The following CHLSN variants were observed in gnomAD, a reference collection of about 807,000 sequenced individuals.
The protein encoded by CHLSN is cholesin, also known as protein cholesin.
At chr7:1,023,628 CA>C in the CHLSN span, among the ~76,000 whole-genome samples, 2 of 23,774 alleles carry the variant, frequency 8.4e-5, no homozygotes, top group Admixed American at 5.2e-4. The surrounding 1 kb of genome is among the most constrained non-coding windows in gnomAD (Gnocchi z 5.0). Flanking sequence ...CCAGGAAACA[CA>C]CACACACACA....
At chr7:1,045,330 T>C in the CHLSN span, 4 of 152,284 alleles carry the variant, frequency 2.6e-5, no homozygotes, top group Non-Finnish European at 5.9e-5. Flanking sequence ...GTATTCGTCG[T>C]CCACAGCCTT....
the CHLSN span, chr7:997,535 G>T: frequency 8.4e-7 from 1 of 1,194,298 alleles, no homozygotes; most frequent in Non-Finnish European, 1.1e-6. Flanking sequence ...CCCTGCTGGT[G>T]AACCCGGCCC....
At chr7:1,028,439 C>CG in the CHLSN span, 5,165 of 985,856 alleles carry the variant, frequency 5.2e-3, 15 homozygotes, top group Middle Eastern at 0.019. Context: ...AGCGCGCCTG[C>CG]GGGGACTGGA....
At chr7:989,142 C>G in the CHLSN span, 1 of 373,784 alleles carries the variant, frequency 2.7e-6, no homozygotes, top group African/African-American at 2.0e-5. Context: ...CAGGGCCCCC[C>G]AGCACCTACA....
chr7:989,115 A>C, the CHLSN span: 2 of 394,526 alleles, frequency 5.1e-6, no homozygotes, highest in Non-Finnish European at 9.0e-6. Context: ...CTGCACTCCC[A>C]CCCACCTAGC....
the CHLSN span, among the ~76,000 whole-genome samples, chr7:1,059,566 G>C: frequency 2.5e-5 from 3 of 119,482 alleles, no homozygotes; most frequent in African/African-American, 8.8e-5. Flanking sequence ...CGGGTCGGTA[G>C]TGAGGCGGTT....
chr7:1,120,520 G>A, the CHLSN span, among the ~76,000 whole-genome samples: 36 of 152,226 alleles, frequency 2.4e-4, no homozygotes, highest in African/African-American at 3.1e-4. Flanking sequence ...TCAAACTCCT[G>A]AACTCAAGTG....
At chr7:1,074,473 G>A in the CHLSN span, 1 of 151,954 alleles carries the variant, frequency 6.6e-6, no homozygotes, top group African/African-American at 2.4e-5. Flanking sequence ...CAGGGGACAG[G>A]ACTGCATCAA....
chr7:1,075,674 G>T, the CHLSN span, among the ~76,000 whole-genome samples: 1 of 147,958 alleles, frequency 6.8e-6, no homozygotes, highest in East Asian at 2.0e-4. Flanking sequence ...GTGCAGTGGC[G>T]CAATCTCAGC....
At chr7:1,030,506 C>A in the CHLSN span, among the ~76,000 whole-genome samples, 1 of 152,186 alleles carries the variant, frequency 6.6e-6, no homozygotes, top group Non-Finnish European at 1.5e-5. Context: ...CACTCCACTC[C>A]ATCTCACGCT....
the CHLSN span, chr7:986,613 C>G: frequency 1.2e-6 from 2 of 1,612,498 alleles, no homozygotes; most frequent in East Asian, 4.5e-5. Context: ...CTCCTCCTGC[C>G]TCCTGCCCAG....
chr7:1,058,066 C>T, the CHLSN span: 1 of 767,860 alleles, frequency 1.3e-6, no homozygotes, highest in Non-Finnish European at 2.4e-6. Flanking sequence ...ATGCAGAACG[C>T]AGAAGCTGCC....
At chr7:993,335 C>G in the CHLSN span, among the ~76,000 whole-genome samples, 1 of 152,096 alleles carries the variant, frequency 6.6e-6, no homozygotes, top group Non-Finnish European at 1.5e-5. Flanking sequence ...ACTGGACGGA[C>G]GGCAGGTGGC....
chr7:986,912 G>C, the CHLSN span: 1 of 1,343,718 alleles, frequency 7.4e-7, no homozygotes, highest in Non-Finnish European at 9.8e-7. Context: ...CCTACCTCCT[G>C]GCTGGGGGCC....
the CHLSN span, among the ~76,000 whole-genome samples, chr7:1,027,767 G>A: frequency 0.11 from 16,319 of 152,352 alleles, 1,145 homozygotes; most frequent in Middle Eastern, 0.19. Flanking sequence ...GCACAGGGAG[G>A]GGCGAGGCGG....
the CHLSN span, among the ~76,000 whole-genome samples, chr7:1,115,669 G>A: frequency 1.2e-4 from 12 of 104,100 alleles, 1 homozygote; most frequent in East Asian, 1.2e-3. Context: ...CTCTAGGACC[G>A]GCTTCCATCA....
At chr7:1,011,426 G>GACACCCACAGATACCC in the CHLSN span, among the ~76,000 whole-genome samples, 1 of 62,378 alleles carries the variant, frequency 1.6e-5, no homozygotes, top group Non-Finnish European at 2.8e-5. Flanking sequence ...CAGACACCCA[G>GACACCCACAGATACCC]AAACACCCAC....
the CHLSN span, chr7:983,168 G>T: frequency 7.0e-7 from 1 of 1,434,134 alleles, no homozygotes; most frequent in South Asian, 1.5e-5. Context: ...GTGCGGGGGG[G>T]ACGGGGCCCA....
the CHLSN span, among the ~76,000 whole-genome samples, chr7:1,006,221 T>C: frequency 2.6e-5 from 4 of 152,298 alleles, no homozygotes; most frequent in African/African-American, 9.6e-5. Flanking sequence ...AACACGGCTC[T>C]GAGCTGGAAA....
Sources: allele counts gnomAD v4.1 joint callset (sites outside exome capture counted in the v4.1 genomes callset), GRCh38; gene constraint gnomAD v4.1.1; non-coding constraint Gnocchi (gnomAD v3.1); transcripts MANE v1.5; gene names NCBI Gene and HGNC (gene_info 2026-07-23, HGNC 2026-07-21).